Variants in ZEB1 observed in about 807,000 individuals in gnomAD.
The protein encoded by ZEB1 is zinc finger E-box-binding homeobox 1.
A neutral mutation model predicts 84.9 loss-of-function variants in ZEB1; 21 were observed. The observed-to-expected ratio is 0.25, with a 90% confidence interval of 0.18 to 0.36. ZEB1 has a LOEUF of 0.36. Among genes scored for constraint, ZEB1 ranks in the 10% least tolerant of loss-of-function variants. The pLI is 1.00. For missense variants in ZEB1, 1,104 were observed against 1,330.2 expected, an observed-to-expected ratio of 0.83 and a Z score of 2.65; for synonymous variants, 420 against 471.1, an observed-to-expected ratio of 0.89 and a Z score of 1.41.
At chr10:31,474,099 TA>T (rs1228779234) in intron 2 of ZEB1, among the ~76,000 whole-genome samples, 4 of 152,116 alleles carry the variant, frequency 2.6e-5, no homozygotes, top group Admixed American at 2.6e-4. Flanking sequence ...CCTAAAACCG[TA>T]AAAACCCTAG....
chr10:31,352,676 T>C (rs1313418520), intron 1 of ZEB1, among the ~76,000 whole-genome samples: 1 of 152,178 alleles, frequency 6.6e-6, no homozygotes, highest in East Asian at 1.9e-4. Flanking sequence ...TCAGCTCTCC[T>C]TAAGTGTGCC....
chr10:31,323,412 A>T (rs553039371), intron 1 of ZEB1, among the ~76,000 whole-genome samples: 1 of 152,080 alleles, frequency 6.6e-6, no homozygotes, highest in Non-Finnish European at 1.5e-5. Context: ...TAGACTATGG[A>T]TGGGTTGGCA....
intron 4 of ZEB1, among the ~76,000 whole-genome samples, chr10:31,509,118 G>A (rs1477613573): frequency 6.6e-6 from 1 of 152,136 alleles, no homozygotes; most frequent in Non-Finnish European, 1.5e-5. Context: ...ATGTCAGTGG[G>A]GCTCAACAGG....
chr10:31,366,430 A>G (rs2044503622), intron 1 of ZEB1, among the ~76,000 whole-genome samples: 1 of 152,170 alleles, frequency 6.6e-6, no homozygotes, highest in African/African-American at 2.4e-5. Flanking sequence ...CTAGGATTAG[A>G]AGCCGTGAGC....
At chr10:31,464,072 A>C (rs1439157259) in intron 2 of ZEB1, among the ~76,000 whole-genome samples, 1 of 152,248 alleles carries the variant, frequency 6.6e-6, no homozygotes, top group African/African-American at 2.4e-5. Flanking sequence ...TAGAACTAAA[A>C]ATAAAAAATT....
At chr10:31,522,104 G>T (rs1423519241) in intron 7 of ZEB1, among the ~76,000 whole-genome samples, 168 bp downstream of exon 7, 2 of 152,128 alleles carry the variant, frequency 1.3e-5, no homozygotes, top group African/African-American at 4.8e-5. Context: ...GATGTCTTCA[G>T]TTGGTTGTTT....
intron 1 of ZEB1, among the ~76,000 whole-genome samples, chr10:31,444,928 T>C (rs1354433313): frequency 6.6e-6 from 1 of 152,100 alleles, no homozygotes. Flanking sequence ...AACTTTAAAG[T>C]AGTTTTTTTC....
chr10:31,386,086 CTT>C (rs1237963535), intron 1 of ZEB1, among the ~76,000 whole-genome samples: 5 of 151,950 alleles, frequency 3.3e-5, no homozygotes, highest in African/African-American at 1.2e-4. Context: ...CATTTTATCA[CTT>C]TATTTATATC....
chr10:31,506,690 C>G (rs747986238), intron 4 of ZEB1, among the ~76,000 whole-genome samples: 2 of 152,034 alleles, frequency 1.3e-5, no homozygotes, highest in African/African-American at 4.8e-5. Flanking sequence ...CAGCACATAG[C>G]TGGGTCACAG....
intron 2 of ZEB1, among the ~76,000 whole-genome samples, chr10:31,469,356 C>T (rs1156588155): frequency 6.6e-6 from 1 of 152,190 alleles, no homozygotes; most frequent in Non-Finnish European, 1.5e-5. Context: ...TGGGTGCGCG[C>T]ACCATGCGTG....
intron 2 of ZEB1, among the ~76,000 whole-genome samples, chr10:31,469,723 G>T (rs1009515861): frequency 6.6e-6 from 1 of 152,224 alleles, no homozygotes; most frequent in African/African-American, 2.4e-5. Flanking sequence ...AGCTCAAGGA[G>T]GCCTGCCTGC....
At chr10:31,349,036 T>C (rs1025287484) in intron 1 of ZEB1, among the ~76,000 whole-genome samples, 2 of 152,138 alleles carry the variant, frequency 1.3e-5, no homozygotes, top group Non-Finnish European at 2.9e-5. Flanking sequence ...TCCTCCTGTT[T>C]AGATGAAATT....
At chr10:31,379,098 G>A (rs1037290023) in intron 1 of ZEB1, among the ~76,000 whole-genome samples, 2 of 152,092 alleles carry the variant, frequency 1.3e-5, no homozygotes, top group East Asian at 3.9e-4. Flanking sequence ...CTATTATGTA[G>A]CTGAGACCAG....
intron 2 of ZEB1, among the ~76,000 whole-genome samples, chr10:31,467,310 A>C (rs987559486): frequency 6.6e-6 from 1 of 152,184 alleles, no homozygotes; most frequent in Non-Finnish European, 1.5e-5. Context: ...AGGCAGCTGC[A>C]GCAAAACGTG....
chr10:31,406,659 G>A (rs746391983), intron 1 of ZEB1, among the ~76,000 whole-genome samples: 1 of 152,074 alleles, frequency 6.6e-6, no homozygotes, highest in Non-Finnish European at 1.5e-5. Flanking sequence ...TCACTCTGAT[G>A]ATAGTTTCTT....
At chr10:31,395,996 C>A (rs976281079) in intron 1 of ZEB1, among the ~76,000 whole-genome samples, 1 of 152,090 alleles carries the variant, frequency 6.6e-6, no homozygotes, top group Non-Finnish European at 1.5e-5. Flanking sequence ...CAGTTTATAG[C>A]GTTTTCTCTA....
intron 1 of ZEB1, among the ~76,000 whole-genome samples, chr10:31,384,026 T>G (rs1393325816): frequency 7.7e-6 from 1 of 130,542 alleles, no homozygotes; most frequent in African/African-American, 2.9e-5. Flanking sequence ...CAGACTGGAG[T>G]GCAGTAGTGT....
At chr10:31,364,988 C>A (rs1444554097) in intron 1 of ZEB1, among the ~76,000 whole-genome samples, 4 of 152,194 alleles carry the variant, frequency 2.6e-5, no homozygotes, top group Admixed American at 6.5e-5. Context: ...CAGTTGTCAG[C>A]ACAGCACCAT....
intron 1 of ZEB1, chr10:31,321,797 A>G: frequency 1.9e-6 from 1 of 515,732 alleles, no homozygotes; most frequent in Non-Finnish European, 3.5e-6. Flanking sequence ...AAGATACTTG[A>G]AATCAACAGG....
Sources: allele counts gnomAD v4.1 joint callset (sites outside exome capture counted in the v4.1 genomes callset), GRCh38; gene constraint gnomAD v4.1.1; transcripts MANE v1.5; gene names NCBI Gene and HGNC (gene_info 2026-07-23, HGNC 2026-07-21).